The following WWC2 variants were observed in gnomAD, a reference collection of about 807,000 sequenced individuals.
WWC2 encodes protein WWC2.
In WWC2, 101 loss-of-function variants were observed where a neutral mutation model predicts 138.5. The ratio of observed to expected loss-of-function variants is 0.73; its 90% CI spans 0.62 to 0.86. WWC2 has a LOEUF of 0.86. WWC2 is among the 40% of genes least tolerant of loss of function. The probability of loss-of-function intolerance (pLI) is 0.00; values close to 1 mark genes in which losing one functional copy is unlikely to be tolerated. For missense variants in WWC2, 1,420 were observed against 1,419.4 expected (o/e 1.00, Z -0.01); for synonymous variants, 558 against 538.4 (o/e 1.04, Z -0.50).
chr4:183,145,383 AAAG>A (rs1347745256), intron 1 of WWC2, among the ~76,000 whole-genome samples: 1 of 152,180 alleles, frequency 6.6e-6, no homozygotes, highest in African/African-American at 2.4e-5. Flanking sequence ...CAACAGTATT[AAAG>A]AAGAGTTTAA....
intron 1 of WWC2, among the ~76,000 whole-genome samples, chr4:183,113,230 C>T (rs1732293145): frequency 1.3e-5 from 2 of 151,932 alleles, no homozygotes; most frequent in Admixed American, 6.6e-5. Context: ...TGAGATTGCA[C>T]CACTGCAAAT....
chr4:183,206,795 T>G (rs964782788), intron 2 of WWC2, among the ~76,000 whole-genome samples: 3 of 152,180 alleles, frequency 2.0e-5, no homozygotes, highest in Admixed American at 6.5e-5. Flanking sequence ...GTATACACCA[T>G]GGTATCCCAA....
Position 183,099,279 on chromosome 4 carries a change from G to C in WWC2, c.-213G>C, listed in dbSNP as rs1743074349. 1 of 288,428 alleles carries C rather than the reference G, an allele frequency of 3.5e-6. No individual in the cohort carries two copies. The highest frequency in any genetic ancestry group is 5.6e-5 in the Admixed American group (1 of 17,770). The allele number at this position is 288,428 out of a possible 1,614,324, so 17.9% of individuals were successfully genotyped here. A position where few individuals can be genotyped will look rare whatever the true frequency, so the allele number is the denominator to read the frequency against. ...GGAGGGTTCGCTCGCCGGCTCCGAC[G>C]CAGACATGGTGGACTGATCCGCAGC... On this transcript the variant is annotated 5_prime_UTR_variant, in exon 1 of 23. Coordinates refer to ENST00000403733, the MANE Select transcript of WWC2 (RefSeq NM_024949.6).
rs1739612088 is a variant in WWC2, at chr4:183,320,580, T to A, written c.*4851T>A. ...CCAACCTTTCTAACAAAGAATTAAG[T>A]CTAAATGCAAAATGTTTAACTGATG... On this transcript the variant is annotated 3_prime_UTR_variant, in exon 23 of 23. Transcript: ENST00000403733. 7.9e-6 allele frequency: 2 copies of A among 253,926 alleles called. No individual in the cohort carries two copies. Among genetic ancestry groups the A allele is most frequent in the East Asian group, 9.2e-5 (1 of 10,918 alleles). The allele number at this position is 253,926 out of a possible 1,614,324, so 15.7% of individuals were successfully genotyped here.
chr4:183,183,146 A>G (rs1487510941), intron 1 of WWC2, among the ~76,000 whole-genome samples: 1 of 152,254 alleles, frequency 6.6e-6, no homozygotes, highest in East Asian at 1.9e-4. Flanking sequence ...TAGTATTTCT[A>G]GGTTAAAAGG....
rs114105676 is a variant in WWC2 at position 183,174,973 on chromosome 4, A to G, written c.132-18626A>G. ...GTCACTCCTAAATAGTTCAGCATAC[A>G]TTTCCCAGTATATATGGTATATGTA... On this transcript the variant is annotated intron_variant, in intron 1 of 22. Transcript: ENST00000403733. 6.4e-3 allele frequency among the ~76,000 whole-genome samples: 981 copies of G among 152,204 alleles called. 9 individuals carry two copies. Among genetic ancestry groups the G allele is most frequent in the African/African-American group, 0.021 (875 of 41,540 alleles).
chr4:183,216,453 CAT>C (rs1267386327), intron 4 of WWC2, among the ~76,000 whole-genome samples: 3 of 152,274 alleles, frequency 2.0e-5, no homozygotes, highest in East Asian at 1.9e-4. Flanking sequence ...CTGTCAAAAT[CAT>C]GTGGATATAT....
intron 1 of WWC2, among the ~76,000 whole-genome samples, chr4:183,192,715 C>G (rs1028874303): frequency 2.0e-5 from 3 of 152,146 alleles, no homozygotes; most frequent in Non-Finnish European, 2.9e-5. Context: ...AAGAACCATG[C>G]TAGTGGTGCT....
At chr4:183,167,716 T>C (rs1465643407) in intron 1 of WWC2, among the ~76,000 whole-genome samples, 1 of 151,980 alleles carries the variant, frequency 6.6e-6, no homozygotes, top group Non-Finnish European at 1.5e-5. Flanking sequence ...AGAAAAAACA[T>C]GTTTAGTTTG....
intron 1 of WWC2, among the ~76,000 whole-genome samples, chr4:183,149,120 T>C (rs1193414579): frequency 2.0e-5 from 3 of 152,120 alleles, no homozygotes; most frequent in African/African-American, 7.2e-5. Context: ...CAAAGTAGTA[T>C]GGCTTTAATG....
intron 1 of WWC2, among the ~76,000 whole-genome samples, chr4:183,107,850 A>G (rs954874738): frequency 2.0e-5 from 3 of 151,808 alleles, no homozygotes; most frequent in East Asian, 1.9e-4. Context: ...CAGCTTGCCT[A>G]CAATCTAGTG....
At chr4:183,113,465 G>A (rs1171581736) in intron 1 of WWC2, among the ~76,000 whole-genome samples, 1 of 150,238 alleles carries the variant, frequency 6.7e-6, no homozygotes. Context: ...CAATTGAACT[G>A]AGGTAAGGTG....
chr4:183,112,546 T>G (rs149443451), intron 1 of WWC2, among the ~76,000 whole-genome samples: 115 of 152,342 alleles, frequency 7.5e-4, no homozygotes, highest in African/African-American at 2.7e-3. Context: ...AGTCACTCAT[T>G]CATTCATTCA....
At position 183,212,571 on chromosome 4, in the gene WWC2, C is replaced by A. The variant is rs898891386; in HGVS notation, c.522+3546C>A. On this transcript the variant is annotated intron_variant, in intron 4 of 22. Coordinates refer to ENST00000403733, the MANE Select transcript of WWC2 (RefSeq NM_024949.6). ...CTTCTCAGCAAGTTATTATTACTTCCCTCTGAAATTTTCACCCTTTTCATA... is the reference window on the plus strand; with the variant it reads ...CTTCTCAGCAAGTTATTATTACTTCACTCTGAAATTTTCACCCTTTTCATA... 3.7e-4 allele frequency among the ~76,000 whole-genome samples: 56 copies of A among 152,306 alleles called. 1 individual carries two copies. Among genetic ancestry groups the A allele is most frequent in the Admixed American group, 3.5e-3 (54 of 15,304 alleles).
At chr4:183,197,775 C>A (rs879187899) in intron 2 of WWC2, among the ~76,000 whole-genome samples, 1 of 152,072 alleles carries the variant, frequency 6.6e-6, no homozygotes, top group Non-Finnish European at 1.5e-5. Flanking sequence ...TTTACATACA[C>A]AAAAATGCAC....
chr4:183,203,084 T>G (rs1432860880), intron 2 of WWC2, among the ~76,000 whole-genome samples: 5 of 152,146 alleles, frequency 3.3e-5, no homozygotes, highest in Non-Finnish European at 7.4e-5. Flanking sequence ...AATACAGGGT[T>G]TATGATCTTA....
intron 4 of WWC2, among the ~76,000 whole-genome samples, chr4:183,231,258 CTTTTTTTTTTTTT>C (rs1192297768): frequency 2.8e-4 from 21 of 75,332 alleles, no homozygotes; most frequent in East Asian, 1.1e-3. Context: ...ACAGTGAAAG[CTTTTTTTTTTTTT>C]TTTTTTTTTT....
chr4:183,243,097 G>A (rs1736669309), intron 5 of WWC2, among the ~76,000 whole-genome samples: 1 of 152,174 alleles, frequency 6.6e-6, no homozygotes. Flanking sequence ...AAAGCTCTCT[G>A]AAATTTAAAT....
chr4:183,196,859 C>T (rs1735158416), intron 2 of WWC2, among the ~76,000 whole-genome samples: 1 of 152,198 alleles, frequency 6.6e-6, no homozygotes, highest in Non-Finnish European at 1.5e-5. Context: ...CACAGGTCCC[C>T]GTCCCATTCT....
Sources: allele counts gnomAD v4.1 joint callset (sites outside exome capture counted in the v4.1 genomes callset), GRCh38; gene constraint gnomAD v4.1.1; transcripts MANE v1.5; gene names NCBI Gene and HGNC (gene_info 2026-07-23, HGNC 2026-07-21).